Variants in MAML2 observed in about 807,000 individuals in gnomAD.
MAML2 encodes the protein mastermind-like protein 2.
A neutral mutation model predicts 96.1 loss-of-function variants in MAML2; 22 were observed. The ratio of observed to expected loss-of-function variants is 0.23; its 90% CI spans 0.16 to 0.33. MAML2 has a LOEUF of 0.33. Ranked by LOEUF, MAML2 falls within the 10% of genes least tolerant of loss-of-function variation. The probability of loss-of-function intolerance (pLI) is 1.00; values close to 1 mark genes in which losing one functional copy is unlikely to be tolerated. For synonymous variants in MAML2, 561 were observed against 521.3 expected (o/e 1.08, Z -1.04); for missense variants, 1,367 against 1,392.4 (o/e 0.98, Z 0.29).
chr11:96,244,565 ATAT>A (rs530278944), intron 1 of MAML2, among the ~76,000 whole-genome samples: 22 of 152,242 alleles, frequency 1.4e-4, no homozygotes, highest in Admixed American at 2.6e-4. Flanking sequence ...TTGTTTTATT[ATAT>A]TAATAATAGC....
At chr11:96,151,104 G>T (rs931262868) in intron 1 of MAML2, among the ~76,000 whole-genome samples, 5 of 152,166 alleles carry the variant, frequency 3.3e-5, no homozygotes, top group Non-Finnish European at 7.3e-5. Flanking sequence ...ACTGGTGCCT[G>T]CTGAATACAC....
At position 96,129,336 on chromosome 11, in the gene MAML2, A is replaced by C. The variant is rs551992093; in HGVS notation, c.514-35819T>G. Among the ~76,000 whole-genome samples, 59 of 152,288 alleles carry C rather than the reference A, an allele frequency of 3.9e-4. No individual in the cohort carries two copies. In the Middle Eastern group the frequency reaches 0.024, roughly 61 times the overall value. ...ACCTGGAGGACTTTTTAAAACACAG[A>C]TTGCTGGGCTCTACCTCTAGAGTTT... On this transcript the variant is annotated intron_variant, in intron 1 of 4. Transcript: ENST00000524717.
chr11:96,279,323 T>A (rs550910746), intron 1 of MAML2, among the ~76,000 whole-genome samples: 207 of 152,332 alleles, frequency 1.4e-3, no homozygotes, highest in Non-Finnish European at 2.2e-3. Context: ...AATATTTTCG[T>A]TATAAGGAGA....
At chr11:96,150,817 C>T (rs1324529878) in intron 1 of MAML2, among the ~76,000 whole-genome samples, 1 of 152,122 alleles carries the variant, frequency 6.6e-6, no homozygotes, top group East Asian at 1.9e-4. Flanking sequence ...AGTTTCCAGG[C>T]CTCCCCAACT....
At chr11:96,014,109 G>A (rs762780432) in intron 2 of MAML2, among the ~76,000 whole-genome samples, 4 of 152,164 alleles carry the variant, frequency 2.6e-5, no homozygotes, top group African/African-American at 4.8e-5. Context: ...TTTGATCAGC[G>A]GGGCACTGAT....
chr11:96,102,384 G>C (rs1039255494), intron 1 of MAML2, among the ~76,000 whole-genome samples: 1 of 152,220 alleles, frequency 6.6e-6, no homozygotes, highest in East Asian at 1.9e-4. Context: ...TGGAAACATA[G>C]TGAAAAATAG....
At chr11:96,006,728 T>C (rs1218495353) in intron 2 of MAML2, among the ~76,000 whole-genome samples, 2 of 150,986 alleles carry the variant, frequency 1.3e-5, no homozygotes, top group Non-Finnish European at 3.0e-5. Context: ...CTGGCTAATT[T>C]TTTGTATGTT....
intron 1 of MAML2, among the ~76,000 whole-genome samples, chr11:96,257,635 A>G (rs74756926): frequency 1.8e-3 from 271 of 152,342 alleles, no homozygotes; most frequent in Non-Finnish European, 3.3e-3. Context: ...GACAATATGC[A>G]TTGATGGCAA....
At chr11:96,296,107 T>A (rs1195957085) in intron 1 of MAML2, among the ~76,000 whole-genome samples, 3 of 152,098 alleles carry the variant, frequency 2.0e-5, no homozygotes, top group Non-Finnish European at 4.4e-5. Context: ...TTGCTACATT[T>A]CCCAGGCTGG....
At chr11:96,312,780 G>A (rs1377869185) in intron 1 of MAML2, among the ~76,000 whole-genome samples, 1 of 152,120 alleles carries the variant, frequency 6.6e-6, no homozygotes, top group Non-Finnish European at 1.5e-5. Context: ...CTATCTCCAG[G>A]CAGGCCATCG....
At chr11:96,120,008 A>T (rs888099420) in intron 1 of MAML2, among the ~76,000 whole-genome samples, 16 of 134,154 alleles carry the variant, frequency 1.2e-4, no homozygotes, top group African/African-American at 4.6e-4. Context: ...CCCAGGCTGG[A>T]GTGCAGTGAC....
At chr11:96,012,184 G>A (rs1295657539) in intron 2 of MAML2, among the ~76,000 whole-genome samples, 2 of 152,198 alleles carry the variant, frequency 1.3e-5, no homozygotes, top group Non-Finnish European at 2.9e-5. Flanking sequence ...AGCACCACTA[G>A]CAGGCACTGT....
Position 96,078,091 on chromosome 11 carries a change from C to T in MAML2, c.2139+13801G>A, listed in dbSNP as rs1247109455. Reference sequence around the variant, plus strand: ...TAGTCTCTCCATTTCGAACCTGGAGCCAGGCTGAGGTGGATGCCCCTTCTC... The same window carrying T: ...TAGTCTCTCCATTTCGAACCTGGAGTCAGGCTGAGGTGGATGCCCCTTCTC... On this transcript the variant is annotated intron_variant, in intron 2 of 4. Coordinates refer to ENST00000524717, the MANE Select transcript of MAML2 (RefSeq NM_032427.4). Among the ~76,000 whole-genome samples, 5 of 152,102 alleles carry T rather than the reference C, an allele frequency of 3.3e-5. No individual in the cohort carries two copies. The East Asian group carries it at 9.6e-4, about 29-fold the overall frequency.
chr11:96,136,220 A>G (rs1369789445), intron 1 of MAML2, among the ~76,000 whole-genome samples: 1 of 152,184 alleles, frequency 6.6e-6, no homozygotes, highest in African/African-American at 2.4e-5. Context: ...CCCACTTACC[A>G]TCAGTTTTCT....
At chr11:96,032,341 C>T (rs964244454) in intron 2 of MAML2, among the ~76,000 whole-genome samples, 23 of 152,192 alleles carry the variant, frequency 1.5e-4, no homozygotes, top group African/African-American at 5.5e-4. Context: ...GTAATCTCAG[C>T]ACTTTGGGAG....
chr11:96,180,549 C>T (rs1414662641), intron 1 of MAML2, among the ~76,000 whole-genome samples: 1 of 152,206 alleles, frequency 6.6e-6, no homozygotes, highest in Non-Finnish European at 1.5e-5. Flanking sequence ...AACCACTAAA[C>T]ATGTGAGTGA....
intron 1 of MAML2, among the ~76,000 whole-genome samples, chr11:96,284,619 T>C (rs1198859697): frequency 6.6e-6 from 1 of 152,212 alleles, no homozygotes; most frequent in Non-Finnish European, 1.5e-5. Flanking sequence ...TGTGACACCA[T>C]TTGGTTTGGC....
rs543373689 is a variant in MAML2 at position 96,121,780 on chromosome 11, ATTTTTTTTT to A, written c.514-28272_514-28264del. ...TCCATTCCATATTCCCAACTGCGTG[ATTTTTTTTT>A]TTTTTTTTTTTTTTTGAGACGGAGT... On this transcript the variant is annotated intron_variant, in intron 1 of 4. Coordinates refer to ENST00000524717, the MANE Select transcript of MAML2 (RefSeq NM_032427.4). Among the ~76,000 whole-genome samples, 20 of 35,238 alleles carry A rather than the reference ATTTTTTTTT, an allele frequency of 5.7e-4. 3 individuals carry two copies. Among genetic ancestry groups the A allele is most frequent in the East Asian group, 1.1e-3 (1 of 914 alleles). 23.1% of individuals were successfully genotyped at this position (35,238 alleles called of 152,430 possible).
At chr11:96,155,847 T>G (rs1299496486) in intron 1 of MAML2, among the ~76,000 whole-genome samples, 2 of 152,054 alleles carry the variant, frequency 1.3e-5, no homozygotes, top group Non-Finnish European at 2.9e-5. Context: ...GGCTGTCGCC[T>G]GATGTGTGTC....
Sources: allele counts gnomAD v4.1 joint callset (sites outside exome capture counted in the v4.1 genomes callset), GRCh38; gene constraint gnomAD v4.1.1; transcripts MANE v1.5; gene names NCBI Gene and HGNC (gene_info 2026-07-23, HGNC 2026-07-21).